The following MTREX variants were observed in gnomAD, a reference collection of about 807,000 sequenced individuals.
The protein encoded by MTREX is exosome RNA helicase MTR4.
Under a neutral mutation model 135.4 loss-of-function variants are expected in MTREX, and 76 were observed. That is an observed-to-expected ratio of 0.56 (90% CI 0.47 to 0.68). The LOEUF (loss-of-function observed/expected upper bound fraction) is 0.68, where lower values mean the gene tolerates loss of function less well. Ranked by LOEUF, MTREX falls within the 30% of genes least tolerant of loss-of-function variation. The pLI, the probability that MTREX is intolerant of heterozygous loss-of-function variation, is 0.00. For synonymous variants in MTREX, 404 were observed against 401.6 expected, an observed-to-expected ratio of 1.01 and a Z score of -0.07; for missense variants, 920 against 1,262.1, an observed-to-expected ratio of 0.73 and a Z score of 4.11.
At chr5:55,319,387 T>G (rs937693422) in intron 1 of MTREX, among the ~76,000 whole-genome samples, 34 of 152,226 alleles carry the variant, frequency 2.2e-4, no homozygotes, top group Non-Finnish European at 4.1e-4. Context: ...TCATGACCAT[T>G]TTAGAATGTG....
At position 55,378,370 on chromosome 5, in the gene MTREX, G is replaced by T; in HGVS notation, c.1867G>T (p.Val623Leu). The T allele has an allele frequency of 6.2e-7, 1 of 1,610,210 alleles. No individual in the cohort carries two copies. Among genetic ancestry groups the T allele is most frequent in the Non-Finnish European group, 8.5e-7 (1 of 1,178,946 alleles). Residue 623 changes from valine to leucine, a missense_variant, in exon 17 of 27, where the codon GTG (valine) becomes TTG (leucine). Coordinates refer to ENST00000230640, the MANE Select transcript of MTREX (RefSeq NM_015360.5). ...NKIVIPNEES[V>L]VIYYKIRQQL... Reference sequence around the variant, plus strand: ...AATAGTAATTCCCAATGAAGAAAGTGTGGTTATCTATTATAAGATTAGACA... The same window carrying T: ...AATAGTAATTCCCAATGAAGAAAGTTTGGTTATCTATTATAAGATTAGACA...
At chr5:55,414,320 A>C (rs1267519774) in intron 24 of MTREX, 82 bp downstream of exon 24, 1 of 1,085,534 alleles carries the variant, frequency 9.2e-7, no homozygotes. Context: ...TAATCTAATC[A>C]TAGTAGTTTA....
intron 23 of MTREX, among the ~76,000 whole-genome samples, chr5:55,411,416 A>C (rs1297423309): frequency 2.6e-5 from 4 of 152,184 alleles, no homozygotes. Context: ...ACTTTTAAGT[A>C]AATTGTGTAG....
intron 20 of MTREX, among the ~76,000 whole-genome samples, chr5:55,399,709 G>C (rs373286976): frequency 2.0e-5 from 3 of 151,996 alleles, no homozygotes; most frequent in Non-Finnish European, 4.4e-5. Flanking sequence ...GGATGGTCTC[G>C]ATCTCCTGAC....
At chr5:55,317,486 A>G (rs766261391) in intron 1 of MTREX, among the ~76,000 whole-genome samples, 27 of 152,198 alleles carry the variant, frequency 1.8e-4, no homozygotes, top group Non-Finnish European at 3.5e-4. Flanking sequence ...CACATCTACA[A>G]CCATCTGATC....
rs568405994 is a variant in MTREX, at chr5:55,347,431, T to A, written c.1240+287T>A. Among the ~76,000 whole-genome samples the A allele has an allele frequency of 9.9e-3, 1,504 of 152,296 alleles. 9 individuals carry two copies. The highest frequency in any genetic ancestry group is 0.017 in the Non-Finnish European group (1,186 of 68,032). On this transcript the variant is annotated intron_variant, in intron 11 of 26. Transcript: ENST00000230640. ...CTTATACTTTGTTACCGTAAACTCCTCAGTTATTGTGGCTCTCTATTTGAC... is the reference window on the plus strand; with the variant it reads ...CTTATACTTTGTTACCGTAAACTCCACAGTTATTGTGGCTCTCTATTTGAC...
intron 5 of MTREX, among the ~76,000 whole-genome samples, chr5:55,337,790 G>GT (rs143867703): frequency 0.012 from 1,707 of 146,700 alleles, 19 homozygotes; most frequent in African/African-American, 0.023. Flanking sequence ...TATTTCTCAT[G>GT]TTTTTTTTTT....
chr5:55,367,152 A>C (rs904698698), intron 16 of MTREX, among the ~76,000 whole-genome samples: 1 of 152,210 alleles, frequency 6.6e-6, no homozygotes, highest in Non-Finnish European at 1.5e-5. Context: ...CTGAATAATG[A>C]AATAACACAC....
intron 23 of MTREX, among the ~76,000 whole-genome samples, chr5:55,413,104 G>A (rs1282877594): frequency 6.6e-6 from 1 of 151,990 alleles, no homozygotes; most frequent in Non-Finnish European, 1.5e-5. Flanking sequence ...CACTTTAGGA[G>A]GCTGAGGCGG....
At chr5:55,383,999 A>T (rs922212525) in intron 18 of MTREX, among the ~76,000 whole-genome samples, 3 of 152,132 alleles carry the variant, frequency 2.0e-5, no homozygotes, top group Non-Finnish European at 4.4e-5. Context: ...TCAAACTTCT[A>T]GGCTCAAGCA....
intron 16 of MTREX, among the ~76,000 whole-genome samples, chr5:55,369,903 CTTTTCTT>C (rs1200685289): frequency 6.8e-6 from 1 of 146,672 alleles, no homozygotes; most frequent in Non-Finnish European, 1.5e-5. Context: ...ATCCCTTTTT[CTTTTCTT>C]TTTTCTTTTT....
At chr5:55,356,666 T>C (rs1749920355) in intron 14 of MTREX, 1 of 154,202 alleles carries the variant, frequency 6.5e-6, no homozygotes, top group Non-Finnish European at 1.4e-5. Flanking sequence ...ATGATTGTTG[T>C]CCCCAAAGGG....
intron 22 of MTREX, among the ~76,000 whole-genome samples, chr5:55,406,035 C>T (rs1397702147): frequency 6.6e-6 from 1 of 152,070 alleles, no homozygotes; most frequent in African/African-American, 2.4e-5. Context: ...TAACCATTAT[C>T]TTGTTACGTG....
At chr5:55,383,847 G>A (rs575027356) in intron 18 of MTREX, among the ~76,000 whole-genome samples, 159 of 152,202 alleles carry the variant, frequency 1.0e-3, no homozygotes, top group South Asian at 8.3e-3. Flanking sequence ...ATGGCTTACT[G>A]CAGCCTCAAA....
intron 16 of MTREX, among the ~76,000 whole-genome samples, chr5:55,374,024 G>A (rs948933017): frequency 3.3e-5 from 5 of 151,964 alleles, no homozygotes; most frequent in East Asian, 3.9e-4. Context: ...TTGGGAGACT[G>A]AGGTGAGTGG....
intron 19 of MTREX, among the ~76,000 whole-genome samples, chr5:55,392,203 T>A (rs1750581079): frequency 6.6e-6 from 1 of 152,142 alleles, no homozygotes; most frequent in African/African-American, 2.4e-5. Context: ...AGTTTAATGG[T>A]CAGCTCATAA....
At chr5:55,421,730 G>A (rs1376901800) in intron 25 of MTREX, among the ~76,000 whole-genome samples, 1 of 152,206 alleles carries the variant, frequency 6.6e-6, no homozygotes, top group Non-Finnish European at 1.5e-5. Flanking sequence ...CTGTGCAGCA[G>A]AGGACTTTGT....
chr5:55,351,227 T>C (rs1026431821), intron 13 of MTREX, among the ~76,000 whole-genome samples, 198 bp downstream of exon 13: 2 of 152,152 alleles, frequency 1.3e-5, no homozygotes, highest in African/African-American at 4.8e-5. Context: ...AACATTTGTT[T>C]CCTTTCTTCA....
At chr5:55,386,386 A>C (rs1750481775) in intron 18 of MTREX, among the ~76,000 whole-genome samples, 1 of 152,176 alleles carries the variant, frequency 6.6e-6, no homozygotes, top group Admixed American at 6.5e-5. Context: ...ATAATAGAAC[A>C]CTTAACTAGT....
Sources: gnomAD v4.1 joint callset for allele counts (sites outside exome capture counted in the v4.1 genomes callset) on GRCh38, gnomAD v4.1.1 for gene constraint, MANE v1.5 for transcripts, NCBI Gene and HGNC (gene_info 2026-07-23, HGNC 2026-07-21) for gene names.